Variants in ADAM12 observed in about 807,000 individuals in gnomAD.
The protein encoded by ADAM12 is ADAM metallopeptidase domain 12, also known as disintegrin and metalloproteinase domain-containing protein 12.
In ADAM12, 70 loss-of-function variants were observed where a neutral mutation model predicts 106.4. The observed-to-expected ratio is 0.66, with a 90% confidence interval of 0.54 to 0.80. ADAM12 has a LOEUF of 0.80. Ranked by LOEUF, ADAM12 falls within the 30% of genes least tolerant of loss-of-function variation. The probability of loss-of-function intolerance (pLI) is 0.00; values close to 1 mark genes in which losing one functional copy is unlikely to be tolerated. For synonymous variants in ADAM12, 420 were observed against 433.5 expected (o/e 0.97, Z 0.39); for missense variants, 1,010 against 1,171.9 (o/e 0.86, Z 2.02).
chr10:126,128,822 ATG>A (rs1956253498), intron 5 of ADAM12, among the ~76,000 whole-genome samples: 3 of 97,748 alleles, frequency 3.1e-5, no homozygotes, highest in Admixed American at 2.3e-4. Context: ...ACGCCTGCGC[ATG>A]TGAGTGTGTG....
Position 126,060,760 on chromosome 10 carries a change from T to C in ADAM12, c.1609+4046A>G, listed in dbSNP as rs144659564. On this transcript the variant is annotated intron_variant, in intron 14 of 22. Coordinates refer to ENST00000448723, the MANE Select transcript of ADAM12 (RefSeq NM_001288973.2). ...CCGGGATCCATGCCTCCCGGGAGGA[T>C]ATTGTGAAGGATTCACATCCGCCCT... Among the ~76,000 whole-genome samples, 111 of 152,302 alleles carry C rather than the reference T, an allele frequency of 7.3e-4. 1 individual carries two copies. In the South Asian group the frequency reaches 0.013, roughly 18 times the overall value.
chr10:126,017,497 A>G (rs1410232242), intron 22 of ADAM12, among the ~76,000 whole-genome samples, 158 bp from the exon 23 acceptor site: 3 of 152,182 alleles, frequency 2.0e-5, no homozygotes, highest in Non-Finnish European at 4.4e-5. Context: ...CCTGTCTCCA[A>G]AGCCGCACTT....
chr10:126,246,363 C>G (rs768788310), intron 3 of ADAM12, among the ~76,000 whole-genome samples: 1 of 152,106 alleles, frequency 6.6e-6, no homozygotes, highest in Non-Finnish European at 1.5e-5. Context: ...CCATAGACAA[C>G]CTAAGGTAAA....
chr10:126,333,564 C>T (rs1308352328), intron 1 of ADAM12, among the ~76,000 whole-genome samples: 1 of 152,170 alleles, frequency 6.6e-6, no homozygotes, highest in East Asian at 1.9e-4. Flanking sequence ...AGCAACTCCA[C>T]ACCTTGACTT....
chr10:126,108,742 G>A, intron 7 of ADAM12, 78 bp from the exon 8 acceptor site: 1 of 1,343,338 alleles, frequency 7.4e-7, no homozygotes, highest in Non-Finnish European at 1.1e-6. Flanking sequence ...CTGGAAATGT[G>A]AAGTCTTGGG....
chr10:126,104,919 T>C (rs1325978126), intron 8 of ADAM12, among the ~76,000 whole-genome samples: 7 of 152,214 alleles, frequency 4.6e-5, no homozygotes, highest in African/African-American at 1.7e-4. Context: ...TGAGACACTT[T>C]CATTTGTAGA....
intron 3 of ADAM12, among the ~76,000 whole-genome samples, chr10:126,259,105 T>A (rs4962330): frequency 0.77 from 116,848 of 152,042 alleles, 45,650 homozygotes; most frequent in East Asian, 0.85. Context: ...TTTATGGATT[T>A]TTGTATTTAA....
intron 3 of ADAM12, among the ~76,000 whole-genome samples, chr10:126,266,585 T>C (rs1428540352): frequency 1.3e-5 from 2 of 152,204 alleles, no homozygotes; most frequent in African/African-American, 4.8e-5. Context: ...ATATCCCTTA[T>C]GTATTAGTCC....
chr10:126,104,483 G>T (rs1448115140), intron 8 of ADAM12, among the ~76,000 whole-genome samples: 1 of 150,366 alleles, frequency 6.7e-6, no homozygotes, highest in Non-Finnish European at 1.5e-5. Context: ...AGAAAGAAAA[G>T]AAATTAAATA....
intron 4 of ADAM12, among the ~76,000 whole-genome samples, chr10:126,138,233 T>C (rs1378107721): frequency 6.6e-6 from 1 of 152,258 alleles, no homozygotes; most frequent in Non-Finnish European, 1.5e-5. Flanking sequence ...CTTGCTTATT[T>C]GTAAATTGGA....
At chr10:126,266,375 A>G (rs77978908) in intron 3 of ADAM12, among the ~76,000 whole-genome samples, 7 of 152,118 alleles carry the variant, frequency 4.6e-5, no homozygotes, top group African/African-American at 1.7e-4. Context: ...GGAGGAAGAG[A>G]AAGATGGGTG....
chr10:126,214,193 T>C (rs1957947267), intron 3 of ADAM12, among the ~76,000 whole-genome samples: 1 of 152,176 alleles, frequency 6.6e-6, no homozygotes, highest in African/African-American at 2.4e-5. Flanking sequence ...AAGGAATGAT[T>C]GTTGGCCGTG....
chr10:126,143,751 G>A (rs1956572199), intron 4 of ADAM12, among the ~76,000 whole-genome samples: 1 of 151,878 alleles, frequency 6.6e-6, no homozygotes, highest in African/African-American at 2.4e-5. Context: ...GTGTATATGG[G>A]TGTGTATGTG....
intron 16 of ADAM12, among the ~76,000 whole-genome samples, chr10:126,047,924 A>C (rs1023324943): frequency 2.0e-5 from 3 of 152,238 alleles, no homozygotes; most frequent in Non-Finnish European, 4.4e-5. Context: ...TGGATAAAGA[A>C]AATGTGGTAC....
At chr10:126,116,102 A>G (rs1955977401) in intron 6 of ADAM12, among the ~76,000 whole-genome samples, 1 of 152,236 alleles carries the variant, frequency 6.6e-6, no homozygotes, top group Non-Finnish European at 1.5e-5. Flanking sequence ...ATTTCTCCAC[A>G]AGTCAAAATG....
chr10:126,049,714 T>G lies in ADAM12; in HGVS notation c.1610-45A>C. On this transcript the variant is annotated intron_variant, in intron 14 of 22. Coordinates refer to ENST00000448723, the MANE Select transcript of ADAM12 (RefSeq NM_001288973.2). This position sits in a 1 kb window ranked among gnomAD's most constrained non-coding sequence, Gnocchi z 4.4. The stretch of plus-strand genomic sequence containing the variant: ...GCATTTTCATCTCCTGCAGGTGATT[T>G]TTTTTTTTTCATGGCTGTAGGCCTC... 2 of 1,560,992 alleles carry G rather than the reference T, an allele frequency of 1.3e-6. No homozygotes were observed. Among genetic ancestry groups the G allele is most frequent in the Non-Finnish European group, 1.8e-6 (2 of 1,140,630 alleles).
intron 3 of ADAM12, among the ~76,000 whole-genome samples, chr10:126,254,008 T>G (rs1203037865): frequency 6.6e-6 from 1 of 152,196 alleles, no homozygotes; most frequent in African/African-American, 2.4e-5. Context: ...CAGTGCTATC[T>G]TCAGTCAGAG....
intron 2 of ADAM12, among the ~76,000 whole-genome samples, chr10:126,328,323 C>T (rs1161141514): frequency 6.6e-6 from 1 of 152,196 alleles, no homozygotes; most frequent in African/African-American, 2.4e-5. Flanking sequence ...TATTCTGAGG[C>T]ACAGCAGGCA....
intron 1 of ADAM12, among the ~76,000 whole-genome samples, chr10:126,378,634 G>C (rs1407622363): frequency 1.3e-5 from 2 of 152,180 alleles, no homozygotes; most frequent in African/African-American, 2.4e-5. Flanking sequence ...GCAAAAGGAA[G>C]ACTGAGATAA....
Sources: allele counts gnomAD v4.1 joint callset (sites outside exome capture counted in the v4.1 genomes callset), GRCh38; gene constraint gnomAD v4.1.1; non-coding constraint Gnocchi (gnomAD v3.1); transcripts MANE v1.5; gene names NCBI Gene and HGNC (gene_info 2026-07-23, HGNC 2026-07-21).